FBXO38: variants seen among roughly 807,000 people sequenced by gnomAD.
The protein encoded by FBXO38 is F-box only protein 38.
FBXO38 carries 53 observed loss-of-function variants against 131.9 expected under a neutral mutation model. The ratio of observed to expected loss-of-function variants is 0.40; its 90% CI spans 0.32 to 0.51. FBXO38 has a LOEUF of 0.51. FBXO38 is among the 20% of genes least tolerant of loss of function. The pLI, the probability that FBXO38 is intolerant of heterozygous loss-of-function variation, is 0.53. For synonymous variants in FBXO38, 452 were observed against 505.6 expected, an observed-to-expected ratio of 0.89 and a Z score of 1.42; for missense variants, 1,076 against 1,475.6, an observed-to-expected ratio of 0.73 and a Z score of 4.44.
chr5:148,437,014 C>T (rs1281182985), intron 17 of FBXO38, among the ~76,000 whole-genome samples: 2 of 152,228 alleles, frequency 1.3e-5, no homozygotes, highest in Admixed American at 1.3e-4. Context: ...ATGTAAAACT[C>T]AATCTTCAGA....
chr5:148,422,362 A>G (rs1373225681), intron 12 of FBXO38, among the ~76,000 whole-genome samples: 1 of 151,918 alleles, frequency 6.6e-6, no homozygotes, highest in African/African-American at 2.4e-5. Context: ...CCCTCCTTCC[A>G]TGTTTTCATG....
In FBXO38 at chr5:148,414,301, T is replaced by C; in HGVS notation, c.1259T>C (p.Ile420Thr). 6.3e-7 allele frequency: 1 copy of C among 1,598,078 alleles called. No homozygotes were observed. Among genetic ancestry groups the C allele is most frequent in the South Asian group, 1.1e-5 (1 of 87,834 alleles). The change falls in exon 10 of 22, where the codon ATC (isoleucine) becomes ACC (threonine). Residue 420 changes from isoleucine (I) to threonine (T), a missense_variant. Ile to Thr is a moderately conservative substitution (Grantham distance 89, BLOSUM62 -1). Around this residue, in one of 8 missense-constraint regions of FBXO38, gnomAD observed 146 missense variants for 274.3 expected, o/e 0.53. Coordinates refer to ENST00000340253, the MANE Select transcript of FBXO38 (RefSeq NM_205836.3). ...CPHLHNPYNW[I>T]SDHSRWTRLV... ...CATCTACACAACCCATACAATTGGA[T>C]CTCAGGTATTACAGACTTAAAAATA...
intron 17 of FBXO38, chr5:148,434,664 A>C (rs1039262278): frequency 1.3e-5 from 2 of 152,254 alleles, no homozygotes; most frequent in African/African-American, 4.8e-5. Flanking sequence ...ACCATAATAA[A>C]AGGAATATCA....
intron 9 of FBXO38, chr5:148,413,093 T>C (rs184981934): frequency 6.6e-6 from 1 of 152,208 alleles, no homozygotes; most frequent in Admixed American, 6.5e-5. Flanking sequence ...TCATCTGAAG[T>C]CCTAAGAGCA....
intron 1 of FBXO38, among the ~76,000 whole-genome samples, chr5:148,393,707 A>G (rs1449164683): frequency 3.3e-5 from 5 of 152,192 alleles, no homozygotes; most frequent in Non-Finnish European, 5.9e-5. Flanking sequence ...GGTATTCAAA[A>G]TAAATGTGCC....
At chr5:148,432,428 T>C (rs1754086634) in intron 15 of FBXO38, among the ~76,000 whole-genome samples, 1 of 152,198 alleles carries the variant, frequency 6.6e-6, no homozygotes, top group Non-Finnish European at 1.5e-5. Context: ...TTTTCTAGCT[T>C]AGTGACTGGT....
intron 2 of FBXO38, among the ~76,000 whole-genome samples, chr5:148,397,873 A>G (rs983071648): frequency 1.3e-5 from 2 of 152,212 alleles, no homozygotes; most frequent in African/African-American, 4.8e-5. Flanking sequence ...AAGTGCCAGC[A>G]GATAACAGAA....
chr5:148,394,761 T>G lies in FBXO38; in HGVS notation c.-16T>G. 6.5e-7 allele frequency: 1 copy of G among 1,531,404 alleles called. No individual in the cohort carries two copies. 94.9% of individuals were successfully genotyped at this position (1,531,404 alleles called of 1,614,324 possible). On this transcript the variant is annotated 5_prime_UTR_variant, in exon 2 of 22. Transcript: ENST00000340253. ...AAAGGGAAGATTTTCTCGTTGATAC[T>G]GGAGACTGCACAACAATGGGGCCAC...
chr5:148,394,830 A>G lies in FBXO38; in HGVS notation c.54A>G (p.Pro18=), dbSNP rs750961469. 14 of 1,605,436 alleles carry G rather than the reference A, an allele frequency of 8.7e-6. No individual in the cohort carries two copies. The highest frequency in any genetic ancestry group is 7.7e-6 in the Non-Finnish European group (9 of 1,176,180). The change falls in exon 2 of 22, where the codon CCA becomes CCG. Residue 18 remains proline, a synonymous_variant. Transcript: ENST00000340253. Reference sequence around the variant, plus strand: ...CATGTATCATGAATAATGAAATTCCAGAAGAAATGACAGCAGATGAAACAA... The same window carrying G: ...CATGTATCATGAATAATGAAATTCCGGAAGAAATGACAGCAGATGAAACAA... ...VKTCIMNNEI[P]EEMTADETKD... is the part of the protein sequence containing the mutation.
At chr5:148,407,788 G>C (rs1270493563) in intron 7 of FBXO38, among the ~76,000 whole-genome samples, 3 of 152,006 alleles carry the variant, frequency 2.0e-5, no homozygotes, top group East Asian at 1.9e-4. Context: ...AGCCCGTCGT[G>C]GTGGCGGGCA....
intron 19 of FBXO38, 52 bp from the exon 20 acceptor site, chr5:148,440,372 C>T (rs1754606146): frequency 7.2e-6 from 8 of 1,113,402 alleles, no homozygotes; most frequent in East Asian, 2.4e-5. Context: ...CTACCCGACA[C>T]TAATTATTTC....
Position 148,427,649 on chromosome 5 carries a change from A to G in FBXO38, c.2355A>G (p.Gln785=). ...GCTGTCACAGGCCCCAGGAATCCCAAAGGAGAACTAGCAGGTGTTCTGATG... is the reference window on the plus strand; with the variant it reads ...GCTGTCACAGGCCCCAGGAATCCCAGAGGAGAACTAGCAGGTGTTCTGATG... ...RCCCHRPQES[Q]RRTSRCSDEE... The change falls in exon 15 of 22, where the codon CAA becomes CAG. Residue 785 remains glutamine (Q), a synonymous_variant. Transcript: ENST00000340253. The G allele has an allele frequency of 6.2e-7, 1 of 1,614,134 alleles. No homozygotes were observed.
chr5:148,431,978 A>T (rs1216161700), intron 15 of FBXO38, among the ~76,000 whole-genome samples: 1 of 152,192 alleles, frequency 6.6e-6, no homozygotes, highest in African/African-American at 2.4e-5. Flanking sequence ...TGGTGTGTAA[A>T]AAAATCACTT....
chr5:148,441,202 G>T lies in FBXO38; in HGVS notation c.3353G>T (p.Ser1118Ile). 2.5e-6 allele frequency: 4 copies of T among 1,613,584 alleles called. No homozygotes were observed. The highest frequency in any genetic ancestry group is 3.4e-6 in the Non-Finnish European group (4 of 1,179,840). The change falls in exon 21 of 22, where the codon AGC becomes ATC. Residue 1118 changes from serine (S) to isoleucine (I), a missense_variant. Transcript: ENST00000340253. ...TCATTACGAGCTGCAGAGCCCAACA[G>T]CTTCGCTCGATACGACTTTGAAGAC... Reference protein sequence around the residue: ...LRSLRAAEPNSFARYDFEDDE... With the variant: ...LRSLRAAEPNIFARYDFEDDE...
chr5:148,394,861 T>G lies in FBXO38; in HGVS notation c.85T>G (p.Tyr29Asp). The change falls in exon 2 of 22, where the codon TAT (tyrosine) becomes GAT (aspartate). Residue 29 changes from tyrosine to aspartate, a missense_variant. Tyr to Asp is a radical substitution (Grantham distance 160). Transcript: ENST00000340253. ...EEMTADETKD[Y>D]MNQLSHEVLC... ...AATGACAGCAGATGAAACAAAGGAC[T>G]ATATGAATCAACTTTCACATGAAGT... The G allele has an allele frequency of 6.2e-7, 1 of 1,600,448 alleles. No individual in the cohort carries two copies. The highest frequency in any genetic ancestry group is 1.1e-5 in the South Asian group (1 of 88,760).
At chr5:148,407,391 C>A (rs1437986083) in intron 7 of FBXO38, among the ~76,000 whole-genome samples, 1 of 152,068 alleles carries the variant, frequency 6.6e-6, no homozygotes, top group African/African-American at 2.4e-5. Context: ...GTATTTTACT[C>A]AAGAAGTCAA....
At chr5:148,405,784 A>G (rs1035168273) in intron 6 of FBXO38, among the ~76,000 whole-genome samples, 1 of 151,796 alleles carries the variant, frequency 6.6e-6, no homozygotes, top group Non-Finnish European at 1.5e-5. Flanking sequence ...TTATTTTTAC[A>G]CTTGATGCAG....
At chr5:148,391,931 TAAAA>T (rs905381845) in intron 1 of FBXO38, among the ~76,000 whole-genome samples, 2 of 152,170 alleles carry the variant, frequency 1.3e-5, no homozygotes, top group Non-Finnish European at 2.9e-5. Context: ...TCATACTTTT[TAAAA>T]AAAGTTTTAG....
At chr5:148,402,933 G>A (rs1433387949) in intron 5 of FBXO38, among the ~76,000 whole-genome samples, 1 of 152,016 alleles carries the variant, frequency 6.6e-6, no homozygotes, top group East Asian at 1.9e-4. Flanking sequence ...TGTGTTTTAA[G>A]CATTATTCTA....
Sources: allele counts gnomAD v4.1 joint callset (sites outside exome capture counted in the v4.1 genomes callset), GRCh38; gene constraint gnomAD v4.1.1; regional missense constraint gnomAD v4.1.1; transcripts MANE v1.5; gene names NCBI Gene and HGNC (gene_info 2026-07-23, HGNC 2026-07-21).